CIMAP1C: variants seen among roughly 807,000 people sequenced by gnomAD.
CIMAP1C encodes the protein outer dense fiber of sperm tails 3 like 1.
the CIMAP1C span, chr15:75,727,052 C>T: frequency 2.5e-6 from 4 of 1,609,284 alleles, no homozygotes; most frequent in Non-Finnish European, 3.4e-6. Flanking sequence ...CCGCCACTCC[C>T]TTTCAGGCCT....
the CIMAP1C span, chr15:75,726,081 G>A: frequency 1.9e-6 from 3 of 1,613,746 alleles, no homozygotes; most frequent in Non-Finnish European, 2.5e-6. Context: ...CAGCAGCCCT[G>A]GGCCTTGCTA....
the CIMAP1C span, among the ~76,000 whole-genome samples, chr15:75,725,572 C>T: frequency 6.6e-6 from 1 of 151,648 alleles, no homozygotes; most frequent in African/African-American, 2.4e-5. Flanking sequence ...AAGTGGTGGC[C>T]CCCAGAGCTC....
At chr15:75,726,918 T>A in the CIMAP1C span, 2 of 1,110,684 alleles carry the variant, frequency 1.8e-6, no homozygotes, top group Non-Finnish European at 2.6e-6. Context: ...CCGGCCTAAG[T>A]GACCATTTGG....
the CIMAP1C span, chr15:75,725,911 A>G: frequency 1.6e-6 from 1 of 610,836 alleles, no homozygotes; most frequent in Non-Finnish European, 3.0e-6. Flanking sequence ...TAAAAGTCCC[A>G]TTTTACAGAT....
the CIMAP1C span, chr15:75,725,288 G>C: frequency 8.4e-7 from 1 of 1,185,450 alleles, no homozygotes; most frequent in East Asian, 2.3e-5. Context: ...GAGAGACATG[G>C]AGCCATTCTC....
chr15:75,727,259 C>A, the CIMAP1C span: 1 of 1,614,200 alleles, frequency 6.2e-7, no homozygotes, highest in South Asian at 1.1e-5. Context: ...CTGCTACAGT[C>A]TGGCCTCCAG....
chr15:75,725,670 G>A, the CIMAP1C span, among the ~76,000 whole-genome samples: 9 of 152,246 alleles, frequency 5.9e-5, no homozygotes, highest in Middle Eastern at 3.4e-3. Context: ...GCGTGCACCC[G>A]GGGGTCTGAG....
the CIMAP1C span, chr15:75,724,368 C>A: frequency 1.6e-6 from 2 of 1,269,712 alleles, no homozygotes; most frequent in Non-Finnish European, 2.3e-6. Flanking sequence ...CTCTCCAGGA[C>A]TCCTTCCAGC....
the CIMAP1C span, chr15:75,727,024 T>A: frequency 6.3e-7 from 1 of 1,592,356 alleles, no homozygotes; most frequent in Non-Finnish European, 8.6e-7. Flanking sequence ...TGTTCCCTGC[T>A]CTGAGAGCCC....
the CIMAP1C span, chr15:75,726,153 G>A: frequency 1.2e-6 from 2 of 1,612,176 alleles, no homozygotes; most frequent in Non-Finnish European, 1.7e-6. Context: ...CCCCATGGAG[G>A]AGCGCATCTC....
chr15:75,726,288 C>T, the CIMAP1C span: 18 of 653,722 alleles, frequency 2.8e-5, no homozygotes, highest in Middle Eastern at 4.0e-4. Flanking sequence ...GTCTGGATGC[C>T]GGTATCTCCC....
the CIMAP1C span, among the ~76,000 whole-genome samples, chr15:75,725,861 GT>G: frequency 6.6e-6 from 1 of 152,206 alleles, no homozygotes. Context: ...TTATTTTACT[GT>G]TCCTCTGAGC....
At chr15:75,724,288 A>C in the CIMAP1C span, 4 of 1,613,818 alleles carry the variant, frequency 2.5e-6, no homozygotes, top group Non-Finnish European at 3.4e-6. Flanking sequence ...GAGGTCAAGC[A>C]GACCCCTGTC....
At chr15:75,725,031 T>C in the CIMAP1C span, 1 of 902,076 alleles carries the variant, frequency 1.1e-6, no homozygotes, top group Admixed American at 1.8e-5. Context: ...AATGTTCCCA[T>C]GGTGCGCTGT....
At chr15:75,727,398 C>T in the CIMAP1C span, 1 of 1,614,004 alleles carries the variant, frequency 6.2e-7, no homozygotes, top group African/African-American at 1.3e-5. Flanking sequence ...TTCGCCTACC[C>T]TCTGGACCTC....
chr15:75,724,958 AC>A, the CIMAP1C span: 86 of 589,044 alleles, frequency 1.5e-4, 4 homozygotes, highest in South Asian at 1.7e-3. Flanking sequence ...CTTCCCCCAA[AC>A]GAAGCAGCTG....
chr15:75,725,019 C>T, the CIMAP1C span: 48 of 824,678 alleles, frequency 5.8e-5, 1 homozygote, highest in Middle Eastern at 2.3e-4. Flanking sequence ...ACAAATACCC[C>T]CAATGTTCCC....
chr15:75,726,126 T>C, the CIMAP1C span: 3 of 1,610,742 alleles, frequency 1.9e-6, no homozygotes, highest in East Asian at 2.2e-5. Context: ...GTTTGGAATG[T>C]CCAGCTGCCC....
At chr15:75,726,391 T>C in the CIMAP1C span, among the ~76,000 whole-genome samples, 1 of 152,184 alleles carries the variant, frequency 6.6e-6, no homozygotes. Context: ...TATGATGACA[T>C]GGAGCTCCTG....
Sources: allele counts gnomAD v4.1 joint callset (sites outside exome capture counted in the v4.1 genomes callset), GRCh38; gene constraint gnomAD v4.1.1; transcripts MANE v1.5; gene names NCBI Gene and HGNC (gene_info 2026-07-23, HGNC 2026-07-21).